Variants in LCT observed in about 807,000 individuals in gnomAD.
The protein encoded by LCT is lactase/phlorizin hydrolase.
Under a neutral mutation model 173.0 loss-of-function variants are expected in LCT, and 90 were observed. That is an observed-to-expected ratio of 0.52 (90% CI 0.44 to 0.62). The LOEUF (loss-of-function observed/expected upper bound fraction) is 0.62, where lower values mean the gene tolerates loss of function less well. Among genes scored for constraint, LCT ranks in the 20% least tolerant of loss-of-function variants. LCT has a pLI of 0.00. For missense variants in LCT, 1,864 were observed against 2,431.4 expected (o/e 0.77, Z 4.91); for synonymous variants, 853 against 957.6 (o/e 0.89, Z 2.02).
Position 135,829,595 on chromosome 2 carries a change from G to C in LCT, c.802C>G (p.Gln268Glu), listed in dbSNP as rs777075865. The part of the protein sequence containing the change: ...ASLRQKLSKL[Q>E]TIEPKVKVFI... ...ATGTGGAAAAGGGCTCAAATTACCT[G>C]CAATTTACTCAGCTTCTGCCGCAGA... is the stretch of plus-strand genomic sequence containing the variant. The change falls in exon 3 of 17, where the codon CAG (glutamine) becomes GAG (glutamate). Residue 268 changes from glutamine to glutamate, a missense_variant and splice_region_variant. Gln to Glu is a conservative substitution (Grantham distance 29). Transcript: ENST00000264162. 2 of 1,610,632 alleles carry C rather than the reference G, an allele frequency of 1.2e-6. No individual in the cohort carries two copies. Among genetic ancestry groups the C allele is most frequent in the Non-Finnish European group, 1.7e-6 (2 of 1,176,936 alleles).
intron 6 of LCT, 112 bp downstream of exon 6, chr2:135,817,229 A>G: frequency 1.5e-6 from 2 of 1,323,570 alleles, no homozygotes; most frequent in Non-Finnish European, 2.1e-6. Context: ...TTTCCTTTAA[A>G]GAAAGAACAA....
At chr2:135,811,615 C>T (rs1353482982) in intron 7 of LCT, among the ~76,000 whole-genome samples, 3 of 150,564 alleles carry the variant, frequency 2.0e-5, no homozygotes, top group Non-Finnish European at 2.9e-5. Flanking sequence ...TCCGGAGGAT[C>T]ACTAGAGCCT....
intron 14 of LCT, among the ~76,000 whole-genome samples, chr2:135,791,242 G>A (rs564093327): frequency 8.8e-4 from 134 of 152,318 alleles, no homozygotes; most frequent in African/African-American, 3.1e-3. Flanking sequence ...TCCAATGGAC[G>A]CCAGTGCTGT....
chr2:135,834,787 C>CAAAAAAAAAAAAAAAAAAAAAAA (rs60298631), intron 1 of LCT, among the ~76,000 whole-genome samples: 2 of 34,178 alleles, frequency 5.9e-5, no homozygotes, highest in African/African-American at 2.0e-4. Context: ...GACTCCATCT[C>CAAAAAAAAAAAAAAAAAAAAAAA]AAAAAAAAAA....
chr2:135,808,157 T>C (rs531342727), intron 8 of LCT, among the ~76,000 whole-genome samples: 1 of 152,238 alleles, frequency 6.6e-6, no homozygotes, highest in African/African-American at 2.4e-5. Context: ...GCACCTAAAA[T>C]AGAACTTGCT....
chr2:135,789,888 C>T, intron 15 of LCT, 90 bp from the exon 16 acceptor site: 1 of 971,504 alleles, frequency 1.0e-6, no homozygotes, highest in South Asian at 1.3e-5. Context: ...GCCTACTGCT[C>T]TCCCCACCGC....
At chr2:135,833,052 A>G in intron 2 of LCT, 59 bp downstream of exon 2, 2 of 1,325,896 alleles carry the variant, frequency 1.5e-6, no homozygotes, top group Non-Finnish European at 2.2e-6. Context: ...TCTTGTTTTT[A>G]AAAAATTAAA....
In LCT at chr2:135,809,693, T is replaced by C; in HGVS notation, c.2654A>G (p.Glu885Gly). 6.2e-7 allele frequency: 1 copy of C among 1,614,244 alleles called. No homozygotes were observed. The highest frequency in any genetic ancestry group is 1.1e-5 in the South Asian group (1 of 91,086). The change falls in exon 8 of 17, where the codon GAA becomes GGA. Residue 885 changes from glutamate to glycine, a missense_variant. Glu to Gly is a moderately conservative substitution (Grantham distance 98). Coordinates refer to ENST00000264162, the MANE Select transcript of LCT (RefSeq NM_002299.4). The surrounding 1 kb of genome is among the most constrained non-coding windows in gnomAD (Gnocchi z 5.5). ...GAACTTGGGTTGGCTGGAGAACTTT[T>C]CCCAAACGACTTTAGCCTTGGAGGG... ...EVPSKAKVVW[E>G]KFSSQPKFER...
At chr2:135,791,473 G>A (rs1290703571) in intron 14 of LCT, among the ~76,000 whole-genome samples, 3 of 152,196 alleles carry the variant, frequency 2.0e-5, no homozygotes, top group African/African-American at 7.2e-5. Flanking sequence ...GCCTGCTGGG[G>A]GAGGCCACAG....
Position 135,836,731 on chromosome 2 carries a change from A to T in LCT, c.439T>A (p.Phe147Ile), listed in dbSNP as rs1679399141. 3.7e-6 allele frequency: 6 copies of T among 1,614,032 alleles called. No individual in the cohort carries two copies. Among genetic ancestry groups the T allele is most frequent in the Non-Finnish European group, 5.1e-6 (6 of 1,180,036 alleles). ...PASTLRRTEAFADLFADYATF... is the reference protein window; with the variant it reads ...PASTLRRTEAIADLFADYATF... ...GCATAGTCGGCGAAGAGGTCAGCAA[A>T]GGCTTCGGTTCTCCGGAGGGTGCTG... Residue 147 changes from phenylalanine to isoleucine, a missense_variant, in exon 1 of 17, where the codon TTT becomes ATT. Phe to Ile is a conservative substitution (Grantham distance 21, BLOSUM62 0). Transcript: ENST00000264162.
rs1470798741 is a variant in LCT at position 135,837,161 on chromosome 2, C to T, written c.9G>A (p.Leu3=). 1 of 1,613,014 alleles carries T rather than the reference C, an allele frequency of 6.2e-7. No individual in the cohort carries two copies. Among genetic ancestry groups the T allele is most frequent in the South Asian group, 1.1e-5 (1 of 91,082 alleles). Residue 3 remains leucine (L), a synonymous_variant, in exon 1 of 17, where the codon CTG becomes CTA. Transcript: ENST00000264162. ...GGGCAATAAAGACTACATGCCAAGA[C>T]AGCTCCATTTTCTAGGAACTGTTAG... The part of the protein sequence containing the change: ME[L]SWHVVFIALL...
At chr2:135,788,640 C>T (rs2077511061) in intron 16 of LCT, 96 bp from the exon 17 acceptor site, 1 of 820,574 alleles carries the variant, frequency 1.2e-6, no homozygotes, top group African/African-American at 1.7e-5. Context: ...TACCCCAAAT[C>T]CGCACAGCCA....
chr2:135,790,388 G>C lies in LCT; in HGVS notation c.5335+270C>G, dbSNP rs577018378. ...ATTCTCAGGAGGGCACTGCTGTTCC[G>C]ACATCAGGGAGGATCAAGGGGAGCA... On this transcript the variant is annotated intron_variant, in intron 15 of 16. Transcript: ENST00000264162. The surrounding 1 kb of genome is among the most constrained non-coding windows in gnomAD (Gnocchi z 4.1). Among the ~76,000 whole-genome samples the C allele has an allele frequency of 6.6e-6, 1 of 152,146 alleles. No individual in the cohort carries two copies. Among genetic ancestry groups the C allele is most frequent in the Non-Finnish European group, 1.5e-5 (1 of 68,010 alleles).
At chr2:135,824,460 G>A (rs1452534114) in intron 3 of LCT, among the ~76,000 whole-genome samples, 1 of 152,124 alleles carries the variant, frequency 6.6e-6, no homozygotes, top group Non-Finnish European at 1.5e-5. Flanking sequence ...AGGATCGCTT[G>A]AGCCCAGGAG....
chr2:135,809,085 A>C lies in LCT; in HGVS notation c.3262T>G (p.Trp1088Gly). The change falls in exon 8 of 17, where the codon TGG (tryptophan) becomes GGG (glycine). Residue 1088 changes from tryptophan (W) to glycine (G), a missense_variant. Around this residue, in one of 4 missense-constraint regions of LCT, gnomAD observed 755 missense variants for 926.3 expected, o/e 0.82. Coordinates refer to ENST00000264162, the MANE Select transcript of LCT (RefSeq NM_002299.4). The surrounding 1 kb of genome is among the most constrained non-coding windows in gnomAD (Gnocchi z 5.5). ...EFPPGVKDPG[W>G]APYRIAHAVI... Reference sequence around the variant, plus strand: ...GCGTGGGCTATCCTATATGGTGCCCAGCCTGGGTCCTTCACCCCTGGGGGA... The same window carrying C: ...GCGTGGGCTATCCTATATGGTGCCCCGCCTGGGTCCTTCACCCCTGGGGGA... 1 of 1,614,012 alleles carries C rather than the reference A, an allele frequency of 6.2e-7. No individual in the cohort carries two copies. The highest frequency in any genetic ancestry group is 8.5e-7 in the Non-Finnish European group (1 of 1,180,042).
intron 3 of LCT, among the ~76,000 whole-genome samples, chr2:135,827,028 G>A (rs940414791): frequency 2.6e-5 from 4 of 152,058 alleles, no homozygotes; most frequent in Admixed American, 2.6e-4. Context: ...CCCTGGGCTG[G>A]AGTGCAGTGG....
At chr2:135,826,308 C>T (rs1391643244) in intron 3 of LCT, among the ~76,000 whole-genome samples, 3 of 150,256 alleles carry the variant, frequency 2.0e-5, no homozygotes, top group African/African-American at 7.4e-5. Context: ...AATCTCAGCA[C>T]TTTAGGAGGT....
In LCT at chr2:135,817,935, C is replaced by T. The variant is rs148142216; in HGVS notation, c.1113G>A (p.Arg371=). ...CCTGCAGGAAGGCATCCCTTTCCGCCCTGGACTGATTGGCAAATGCTTCCC... is the reference window on the plus strand; with the variant it reads ...CCTGCAGGAAGGCATCCCTTTCCGCTCTGGACTGATTGGCAAATGCTTCCC... The part of the protein sequence containing the change: ...RIWEAFANQS[R]AERDAFLQDT... The change falls in exon 6 of 17, where the codon AGG becomes AGA. Residue 371 remains arginine, a synonymous_variant. Transcript: ENST00000264162. 2,511 of 1,614,006 alleles carry T rather than the reference C, an allele frequency of 1.6e-3. 4 individuals carry two copies. The highest frequency in any genetic ancestry group is 2.3e-3 in the Middle Eastern group (14 of 6,060).
chr2:135,807,378 A>G lies in LCT; in HGVS notation c.3923T>C (p.Ile1308Thr), dbSNP rs762059432. Residue 1308 changes from isoleucine (I) to threonine (T), a missense_variant, in exon 9 of 17, where the codon ATA becomes ACA. Coordinates refer to ENST00000264162, the MANE Select transcript of LCT (RefSeq NM_002299.4). The part of the protein sequence containing the change: ...EALKAYRLDG[I>T]DLRGYVAWSL... ...CCAGGCGACATACCCTCGAAGGTCT[A>G]TACCATCGAGCCTGTAGGCTGGGAA... 3.1e-6 allele frequency: 5 copies of G among 1,614,058 alleles called. No homozygotes were observed. Among genetic ancestry groups the G allele is most frequent in the East Asian group, 4.5e-5 (2 of 44,894 alleles).
Sources: gnomAD v4.1 joint callset for allele counts (sites outside exome capture counted in the v4.1 genomes callset) on GRCh38, gnomAD v4.1.1 for gene constraint, gnomAD v4.1.1 regional missense constraint, Gnocchi (gnomAD v3.1) non-coding constraint, MANE v1.5 for transcripts, NCBI Gene and HGNC (gene_info 2026-07-23, HGNC 2026-07-21) for gene names.